The following CNTN5 variants were observed in gnomAD, a reference collection of about 807,000 sequenced individuals.
CNTN5 encodes contactin 5, also known as contactin-5.
In CNTN5, 77 loss-of-function variants were observed where a neutral mutation model predicts 129.1. That is an observed-to-expected ratio of 0.60 (90% CI 0.50 to 0.72). CNTN5 has a LOEUF of 0.72. Among genes scored for constraint, CNTN5 ranks in the 30% least tolerant of loss-of-function variants. CNTN5 has a pLI of 0.00. For missense variants in CNTN5, 1,478 were observed against 1,328.8 expected (o/e 1.11, Z -1.75); for synonymous variants, 509 against 465.6 (o/e 1.09, Z -1.20).
chr11:99,992,101 A>T (rs888598), intron 8 of CNTN5, among the ~76,000 whole-genome samples: 88,284 of 151,946 alleles, frequency 0.58, 26,708 homozygotes, highest in African/African-American at 0.76. Flanking sequence ...GGCAAAAATG[A>T]CAATACCCAT....
intron 16 of CNTN5, among the ~76,000 whole-genome samples, chr11:100,241,176 G>A (rs78679024): frequency 0.012 from 1,767 of 152,262 alleles, 31 homozygotes; most frequent in African/African-American, 0.04. Flanking sequence ...TCTAGGTTGC[G>A]TGAAGTTTTA....
chr11:99,156,762 A>T (rs1860354366), intron 1 of CNTN5, among the ~76,000 whole-genome samples: 1 of 152,020 alleles, frequency 6.6e-6, no homozygotes, highest in African/African-American at 2.4e-5. Flanking sequence ...TTCTAATTAT[A>T]TGTCTACACA....
At chr11:99,935,348 A>T (rs1298733761) in intron 7 of CNTN5, among the ~76,000 whole-genome samples, 1 of 152,036 alleles carries the variant, frequency 6.6e-6, no homozygotes, top group East Asian at 1.9e-4. Flanking sequence ...CATATAATAC[A>T]TGCCTTAGGA....
At chr11:99,956,250 CT>C (rs1488078978) in intron 7 of CNTN5, among the ~76,000 whole-genome samples, 1 of 152,048 alleles carries the variant, frequency 6.6e-6, no homozygotes, top group East Asian at 1.9e-4. Flanking sequence ...AACCATCATA[CT>C]GTCTCTGAAA....
chr11:99,211,084 G>T (rs186412200), intron 1 of CNTN5, among the ~76,000 whole-genome samples: 215 of 152,054 alleles, frequency 1.4e-3, no homozygotes, highest in Non-Finnish European at 1.5e-3. Context: ...GCTCTCTAAA[G>T]CCCTCCTCCC....
At chr11:99,976,740 A>G (rs1190139622) in intron 8 of CNTN5, among the ~76,000 whole-genome samples, 4 of 152,182 alleles carry the variant, frequency 2.6e-5, no homozygotes, top group Admixed American at 6.5e-5. Flanking sequence ...CTGTGAAACT[A>G]TTTTTCCTTC....
chr11:100,201,220 C>G (rs779903788), intron 15 of CNTN5, among the ~76,000 whole-genome samples: 1 of 151,894 alleles, frequency 6.6e-6, no homozygotes, highest in Non-Finnish European at 1.5e-5. Context: ...TTCTGATATA[C>G]ATAACAAACT....
intron 1 of CNTN5, among the ~76,000 whole-genome samples, chr11:99,066,884 G>A (rs970406002): frequency 3.3e-5 from 5 of 152,082 alleles, no homozygotes; most frequent in South Asian, 2.1e-4. Flanking sequence ...TGGTGACTGC[G>A]ATTCAAGGGC....
chr11:99,065,648 A>T (rs1313097835), intron 1 of CNTN5, among the ~76,000 whole-genome samples: 1 of 152,182 alleles, frequency 6.6e-6, no homozygotes, highest in Non-Finnish European at 1.5e-5. Context: ...ACTCAGAAGT[A>T]ATTTTACCAA....
intron 2 of CNTN5, among the ~76,000 whole-genome samples, chr11:99,485,934 T>G (rs1042737594): frequency 6.6e-6 from 1 of 152,054 alleles, no homozygotes; most frequent in African/African-American, 2.4e-5. Context: ...AATCATGGAC[T>G]AATAATTACA....
intron 2 of CNTN5, among the ~76,000 whole-genome samples, chr11:99,485,841 T>C (rs937666306): frequency 2.6e-5 from 4 of 152,044 alleles, no homozygotes; most frequent in Non-Finnish European, 5.9e-5. Context: ...AGTATAATAC[T>C]CAATGTATTC....
At chr11:100,318,831 GGTTTACAAAATCTATATTT>G (rs1194558159) in intron 21 of CNTN5, among the ~76,000 whole-genome samples, 1 of 151,866 alleles carries the variant, frequency 6.6e-6, no homozygotes, top group Non-Finnish European at 1.5e-5. Flanking sequence ...AAAAGAAAAA[GGTTTACAAAATCTATATTT>G]AGCATTGTAA....
chr11:100,185,036 G>C (rs1159506730), intron 13 of CNTN5, among the ~76,000 whole-genome samples: 1 of 152,026 alleles, frequency 6.6e-6, no homozygotes, highest in African/African-American at 2.4e-5. Flanking sequence ...TGTGAAGAAG[G>C]ACATGTTTGC....
intron 1 of CNTN5, among the ~76,000 whole-genome samples, chr11:99,129,783 G>T (rs1307817562): frequency 2.0e-5 from 3 of 152,194 alleles, no homozygotes; most frequent in East Asian, 3.9e-4. Context: ...AAGCCTACAA[G>T]TCAGAAGAGA....
chr11:99,973,764 C>T (rs746993893), intron 8 of CNTN5, among the ~76,000 whole-genome samples: 27 of 152,136 alleles, frequency 1.8e-4, no homozygotes, highest in Middle Eastern at 3.4e-3. Flanking sequence ...TTAAAAATCA[C>T]GTACAGGATA....
intron 6 of CNTN5, among the ~76,000 whole-genome samples, chr11:99,905,078 T>G (rs1267400789): frequency 3.3e-5 from 5 of 151,956 alleles, no homozygotes; most frequent in Admixed American, 3.3e-4. Context: ...AAAATATCCC[T>G]TTCTGTAGGT....
chr11:100,206,152 C>T (rs1005101966), intron 15 of CNTN5, among the ~76,000 whole-genome samples: 5 of 152,038 alleles, frequency 3.3e-5, no homozygotes, highest in African/African-American at 1.2e-4. Context: ...CCCGTGGAAG[C>T]AGGGCAGACT....
At chr11:100,108,609 C>T (rs1409217458) in intron 13 of CNTN5, among the ~76,000 whole-genome samples, 1 of 152,144 alleles carries the variant, frequency 6.6e-6, no homozygotes, top group African/African-American at 2.4e-5. Flanking sequence ...AACTTTGGAA[C>T]ACTTTCTCTT....
intron 1 of CNTN5, among the ~76,000 whole-genome samples, chr11:99,320,209 T>C (rs1040702588): frequency 3.9e-5 from 6 of 152,178 alleles, no homozygotes; most frequent in Admixed American, 3.9e-4. Context: ...ACCACTGCAC[T>C]CTAGCCTGGG....
Sources: allele counts gnomAD v4.1 joint callset (sites outside exome capture counted in the v4.1 genomes callset), GRCh38; gene constraint gnomAD v4.1.1; transcripts MANE v1.5; gene names NCBI Gene and HGNC (gene_info 2026-07-23, HGNC 2026-07-21).